Variants in PTPRD observed in about 807,000 individuals in gnomAD.
PTPRD encodes protein tyrosine phosphatase receptor type D.
A neutral mutation model predicts 214.5 loss-of-function variants in PTPRD; 34 were observed. That is an observed-to-expected ratio of 0.16 (90% confidence interval 0.12 to 0.21). PTPRD has a LOEUF of 0.21. Among genes scored for constraint, PTPRD ranks in the 10% least tolerant of loss-of-function variants. The pLI is 1.00. For synonymous variants in PTPRD, 1,128 were observed against 845.7 expected (o/e 1.33, Z -5.79); for missense variants, 2,545 against 2,398.7 (o/e 1.06, Z -1.27).
At chr9:10,530,762 T>G (rs1233787607) in intron 2 of PTPRD, among the ~76,000 whole-genome samples, 3 of 152,280 alleles carry the variant, frequency 2.0e-5, no homozygotes, top group Non-Finnish European at 4.4e-5. Flanking sequence ...TATAATGTAT[T>G]GAACTAGAAG....
At chr9:9,426,635 G>A (rs148725891) in intron 8 of PTPRD, among the ~76,000 whole-genome samples, 339 of 152,244 alleles carry the variant, frequency 2.2e-3, no homozygotes, top group African/African-American at 7.6e-3. Context: ...CCCCCGAGTC[G>A]CCTAACTGGA....
At chr9:9,415,016 C>G (rs563155006) in intron 8 of PTPRD, among the ~76,000 whole-genome samples, 2 of 152,120 alleles carry the variant, frequency 1.3e-5, no homozygotes, top group East Asian at 1.9e-4. Flanking sequence ...TAACTTTTAA[C>G]GAGAGGACTG....
At position 10,114,976 on chromosome 9, in the gene PTPRD, C is replaced by G. The variant is rs188106193; in HGVS notation, c.-544-81186G>C. On this transcript the variant is annotated intron_variant, in intron 3 of 45. Transcript: ENST00000381196. The stretch of plus-strand genomic sequence containing the variant: ...CCTTACCCTGCTTGAAAGTTTATTA[C>G]TTTTTAAAGGGAGGGGTTCATCAGC... Among the ~76,000 whole-genome samples the G allele has an allele frequency of 2.0e-5, 3 of 150,362 alleles. No individual in the cohort carries two copies. In the Admixed American group the frequency reaches 2.0e-4, roughly 10 times the overall value.
intron 11 of PTPRD, among the ~76,000 whole-genome samples, chr9:8,783,303 T>A (rs1220357394): frequency 1.3e-5 from 2 of 152,162 alleles, no homozygotes; most frequent in African/African-American, 4.8e-5. Context: ...GTTATTAATT[T>A]CCCACAAAGT....
rs147201747 is a variant in PTPRD at position 10,346,440 on chromosome 9, C to T, written c.-599-5423G>A. Among the ~76,000 whole-genome samples, 473 of 152,068 alleles carry T rather than the reference C, an allele frequency of 3.1e-3. 3 individuals carry two copies. Among genetic ancestry groups the T allele is most frequent in the South Asian group, 0.022 (106 of 4,810 alleles). On this transcript the variant is annotated intron_variant, in intron 2 of 45. Transcript: ENST00000381196. ...AAGTATGAGGAGGACAAAATAAAGA[C>T]TGAAAAATTATATAAGAATATATGA...
chr9:10,105,883 C>T (rs769621377), intron 3 of PTPRD, among the ~76,000 whole-genome samples: 38 of 151,514 alleles, frequency 2.5e-4, no homozygotes, highest in African/African-American at 8.5e-4. Flanking sequence ...ATTGAATATG[C>T]TTTTTACTTG....
chr9:10,385,463 G>C (rs573755908), intron 2 of PTPRD, among the ~76,000 whole-genome samples: 125 of 151,806 alleles, frequency 8.2e-4, no homozygotes, highest in African/African-American at 2.9e-3. Context: ...TATATACTGA[G>C]AGACCAATAA....
chr9:9,894,245 T>C (rs1032625831), intron 5 of PTPRD, among the ~76,000 whole-genome samples: 4 of 152,052 alleles, frequency 2.6e-5, no homozygotes, highest in African/African-American at 9.7e-5. Flanking sequence ...TCTCAAATCT[T>C]TTCCCCACTC....
At chr9:10,215,108 T>C (rs2099535358) in intron 3 of PTPRD, among the ~76,000 whole-genome samples, 1 of 152,024 alleles carries the variant, frequency 6.6e-6, no homozygotes, top group African/African-American at 2.4e-5. Flanking sequence ...CACAATCTTT[T>C]CTTTCTCAAA....
chr9:9,453,143 GC>G, intron 8 of PTPRD, among the ~76,000 whole-genome samples: 1 of 150,320 alleles, frequency 6.7e-6, no homozygotes, highest in South Asian at 2.1e-4. Context: ...GACTTTCAAC[GC>G]CCCCCCACAC....
chr9:9,376,460 C>T (rs563416727), intron 9 of PTPRD, among the ~76,000 whole-genome samples: 6 of 152,174 alleles, frequency 3.9e-5, no homozygotes, highest in African/African-American at 1.4e-4. Context: ...ATGTATTGAC[C>T]TACATAGTGT....
chr9:8,567,837 A>G (rs2089868741), intron 14 of PTPRD, among the ~76,000 whole-genome samples: 1 of 152,182 alleles, frequency 6.6e-6, no homozygotes, highest in African/African-American at 2.4e-5. Context: ...TTATTCATGG[A>G]ATCAGGATCA....
At chr9:8,821,746 ACCTCCG>A (rs1374215992) in intron 11 of PTPRD, among the ~76,000 whole-genome samples, 3 of 151,984 alleles carry the variant, frequency 2.0e-5, no homozygotes, top group Admixed American at 2.0e-4. Context: ...GCTCACGGCA[ACCTCCG>A]CCTCCCAGGT....
chr9:8,865,147 C>G (rs926713983), intron 11 of PTPRD, among the ~76,000 whole-genome samples: 1 of 101,454 alleles, frequency 9.9e-6, no homozygotes, highest in African/African-American at 3.4e-5. Context: ...ATAAATCTAT[C>G]ATTCTTTCTT....
intron 14 of PTPRD, among the ~76,000 whole-genome samples, chr9:8,569,220 C>A (rs75985550): frequency 0.021 from 3,162 of 152,106 alleles, 117 homozygotes; most frequent in African/African-American, 0.071. Flanking sequence ...TCTCTTCCAG[C>A]CTTAAAACTT....
chr9:10,288,110 C>T (rs1281925759), intron 3 of PTPRD, among the ~76,000 whole-genome samples: 3 of 123,478 alleles, frequency 2.4e-5, no homozygotes, highest in Admixed American at 1.0e-4. Flanking sequence ...GACCACAAAC[C>T]TTTGTTGGAA....
intron 10 of PTPRD, among the ~76,000 whole-genome samples, chr9:9,058,447 T>TTTTTTTTC (rs2099700550): frequency 2.7e-5 from 1 of 37,126 alleles, no homozygotes; most frequent in Non-Finnish European, 4.8e-5. Context: ...TGAGGGTTTT[T>TTTTTTTTC]TTTTTTTTTT....
intron 7 of PTPRD, among the ~76,000 whole-genome samples, chr9:9,625,107 G>C (rs1456626805): frequency 6.6e-6 from 1 of 152,174 alleles, no homozygotes; most frequent in African/African-American, 2.4e-5. Flanking sequence ...AAGTCACCAA[G>C]CCATTAAAGT....
chr9:10,044,473 A>T (rs902692395), intron 3 of PTPRD, among the ~76,000 whole-genome samples: 1 of 151,852 alleles, frequency 6.6e-6, no homozygotes, highest in Non-Finnish European at 1.5e-5. Context: ...AAAAGAGAAC[A>T]AACAGAGGTG....
Sources: allele counts gnomAD v4.1 joint callset (sites outside exome capture counted in the v4.1 genomes callset), GRCh38; gene constraint gnomAD v4.1.1; transcripts MANE v1.5; gene names NCBI Gene and HGNC (gene_info 2026-07-23, HGNC 2026-07-21).